RUNX1: variants seen among roughly 807,000 people sequenced by gnomAD.
RUNX1 encodes RUNX family transcription factor 1.
A neutral mutation model predicts 42.8 loss-of-function variants in RUNX1; 19 were observed. The ratio of observed to expected loss-of-function variants is 0.44; its 90% confidence interval spans 0.31 to 0.65. RUNX1 has a LOEUF of 0.65. RUNX1 is among the 30% of genes least tolerant of loss of function. RUNX1 has a pLI of 0.07. For missense variants in RUNX1, 528 were observed against 672.0 expected (o/e 0.79, Z 2.37); for synonymous variants, 271 against 289.4 (o/e 0.94, Z 0.64).
At chr21:35,008,726 TCTC>T in intron 2 of RUNX1, among the ~76,000 whole-genome samples, 2 of 152,232 alleles carry the variant, frequency 1.3e-5, no homozygotes. Context: ...TTCACCCTCT[TCTC>T]CTTCATCACC....
intron 6 of RUNX1, among the ~76,000 whole-genome samples, chr21:34,835,870 G>A (rs68088846): frequency 0.26 from 39,672 of 152,110 alleles, 6,363 homozygotes; most frequent in African/African-American, 0.45. Context: ...GCAGCCTGGG[G>A]TAAGAGCAGA....
At chr21:34,796,943 C>T (rs528582698) in intron 8 of RUNX1, among the ~76,000 whole-genome samples, 76 of 152,226 alleles carry the variant, frequency 5.0e-4, no homozygotes, top group African/African-American at 1.7e-3. Flanking sequence ...GGGCTGGGGC[C>T]GGGAAGAGGG....
At chr21:34,936,960 A>T (rs2058490472) in intron 2 of RUNX1, among the ~76,000 whole-genome samples, 1 of 152,160 alleles carries the variant, frequency 6.6e-6, no homozygotes, top group South Asian at 2.1e-4. Context: ...TTGGCTTTTT[A>T]AAAAGTATTT....
chr21:34,897,456 T>G (rs1382960087), intron 2 of RUNX1, among the ~76,000 whole-genome samples: 23 of 152,234 alleles, frequency 1.5e-4, no homozygotes. Context: ...TGTCCTCATC[T>G]TGGAGGGGGG....
chr21:34,921,909 C>T (rs546260839), intron 2 of RUNX1, among the ~76,000 whole-genome samples: 86 of 152,206 alleles, frequency 5.7e-4, no homozygotes, highest in Admixed American at 1.1e-3. Context: ...GCTGGGATTA[C>T]AGGCGTGAGC....
intron 4 of RUNX1, among the ~76,000 whole-genome samples, chr21:34,884,656 C>T (rs114960190): frequency 9.2e-4 from 140 of 152,292 alleles, no homozygotes; most frequent in African/African-American, 3.2e-3. Flanking sequence ...TATCCCTTCA[C>T]GTTTACTGTC....
At chr21:34,826,434 C>T (rs1290754174) in intron 7 of RUNX1, among the ~76,000 whole-genome samples, 7 of 105,340 alleles carry the variant, frequency 6.6e-5, no homozygotes, top group South Asian at 3.4e-4. Context: ...TTCTTTCTTT[C>T]TTTTTTTTTT....
chr21:34,944,482 TG>T (rs2058550368), intron 2 of RUNX1, among the ~76,000 whole-genome samples: 1 of 152,232 alleles, frequency 6.6e-6, no homozygotes, highest in South Asian at 2.1e-4. Context: ...GGTTAATATT[TG>T]TGTGGGTACG....
At chr21:34,986,430 A>G (rs2058888321) in intron 2 of RUNX1, among the ~76,000 whole-genome samples, 2 of 151,614 alleles carry the variant, frequency 1.3e-5, no homozygotes, top group African/African-American at 4.9e-5. Flanking sequence ...GGAGCAGGAG[A>G]TATGTGGCAT....
chr21:34,826,187 T>C (rs570191600), intron 7 of RUNX1, among the ~76,000 whole-genome samples: 1 of 152,300 alleles, frequency 6.6e-6, no homozygotes, highest in East Asian at 1.9e-4. Flanking sequence ...GATGAGGCCT[T>C]TGCAGGGAGC....
chr21:35,016,302 T>G (rs1601675990), intron 2 of RUNX1, among the ~76,000 whole-genome samples: 1 of 152,166 alleles, frequency 6.6e-6, no homozygotes, highest in Non-Finnish European at 1.5e-5. Context: ...AGAACAAAGG[T>G]TGCAGGACAT....
chr21:34,900,146 T>C (rs1011815184), intron 2 of RUNX1, among the ~76,000 whole-genome samples: 1 of 152,248 alleles, frequency 6.6e-6, no homozygotes, highest in Admixed American at 6.5e-5. Flanking sequence ...CCCAATCTAT[T>C]GAAAACATTG....
chr21:34,939,988 T>C (rs2058514719), intron 2 of RUNX1, among the ~76,000 whole-genome samples: 1 of 152,214 alleles, frequency 6.6e-6, no homozygotes, highest in Admixed American at 6.6e-5. Flanking sequence ...CCGCCACCCA[T>C]TTCATGATTG....
chr21:34,965,238 C>T (rs2058710619), intron 2 of RUNX1, among the ~76,000 whole-genome samples: 1 of 105,784 alleles, frequency 9.5e-6, no homozygotes, highest in African/African-American at 3.6e-5. Context: ...CAACACACTG[C>T]CATGCACATC....
At chr21:34,849,186 G>A (rs927077476) in intron 6 of RUNX1, among the ~76,000 whole-genome samples, 1 of 131,056 alleles carries the variant, frequency 7.6e-6, no homozygotes, top group African/African-American at 2.9e-5. Flanking sequence ...GGTCTTGAGA[G>A]TTGGCAGATT....
At chr21:34,960,227 GA>G (rs2058672986) in intron 2 of RUNX1, among the ~76,000 whole-genome samples, 1 of 152,192 alleles carries the variant, frequency 6.6e-6, no homozygotes, top group Non-Finnish European at 1.5e-5. Context: ...CTGGGTCCAT[GA>G]CTACAGAAAT....
chr21:34,793,086 A>T (rs543376128), intron 8 of RUNX1, among the ~76,000 whole-genome samples: 2 of 152,022 alleles, frequency 1.3e-5, no homozygotes, highest in South Asian at 4.2e-4. Context: ...CCGCCCAGGA[A>T]GATTGGAACC....
chr21:34,992,421 A>G (rs1434283560), intron 2 of RUNX1, among the ~76,000 whole-genome samples: 1 of 152,144 alleles, frequency 6.6e-6, no homozygotes, highest in Non-Finnish European at 1.5e-5. Flanking sequence ...CTGGGGCTTC[A>G]ATCTCCCTTT....
chr21:34,808,689 A>G (rs2249650), intron 7 of RUNX1, among the ~76,000 whole-genome samples: 77,768 of 151,996 alleles, frequency 0.51, 20,069 homozygotes, highest in Non-Finnish European at 0.52. Flanking sequence ...TAAACGCAAA[A>G]TGCAATTCCT....
Sources: gnomAD v4.1 joint callset for allele counts (sites outside exome capture counted in the v4.1 genomes callset) on GRCh38, gnomAD v4.1.1 for gene constraint, MANE v1.5 for transcripts, NCBI Gene and HGNC (gene_info 2026-07-23, HGNC 2026-07-21) for gene names.